SLC22A4: variants seen among roughly 807,000 people sequenced by gnomAD.
The protein encoded by SLC22A4 is solute carrier family 22 member 4.
A neutral mutation model predicts 56.6 loss-of-function variants in SLC22A4; 39 were observed. The ratio of observed to expected loss-of-function variants is 0.69; its 90% CI spans 0.53 to 0.90. SLC22A4 has a LOEUF of 0.90. Ranked by LOEUF, SLC22A4 falls within the 40% of genes least tolerant of loss-of-function variation. The pLI, the probability that SLC22A4 is intolerant of heterozygous loss-of-function variation, is 0.00. For synonymous variants in SLC22A4, 241 were observed against 281.4 expected, an observed-to-expected ratio of 0.86 and a Z score of 1.44; for missense variants, 594 against 696.5, an observed-to-expected ratio of 0.85 and a Z score of 1.66.
At chr5:132,298,083 C>A (rs991809444) in intron 1 of SLC22A4, among the ~76,000 whole-genome samples, 1 of 151,792 alleles carries the variant, frequency 6.6e-6, no homozygotes, top group African/African-American at 2.4e-5. Context: ...TGTGGTGGTC[C>A]CTAAAAAAAT....
intron 6 of SLC22A4, among the ~76,000 whole-genome samples, 192 bp from the exon 7 acceptor site, chr5:132,334,526 A>T (rs1049711758): frequency 3.3e-5 from 5 of 152,338 alleles, no homozygotes; most frequent in Admixed American, 3.3e-4. Context: ...GCTATTGAGC[A>T]CTTGAAGTGT....
chr5:132,319,782 A>G (rs1750477954), intron 3 of SLC22A4, among the ~76,000 whole-genome samples: 1 of 152,120 alleles, frequency 6.6e-6, no homozygotes, highest in Non-Finnish European at 1.5e-5. Context: ...TAGTAGAGAC[A>G]GGTTTCATCA....
intron 5 of SLC22A4, among the ~76,000 whole-genome samples, chr5:132,330,991 T>C (rs866637534): frequency 2.0e-5 from 3 of 152,144 alleles, no homozygotes; most frequent in African/African-American, 7.2e-5. Flanking sequence ...AGAGGATCGT[T>C]ACTTGCCCAA....
intron 4 of SLC22A4, among the ~76,000 whole-genome samples, chr5:132,326,298 A>C (rs895975531): frequency 1.3e-5 from 2 of 152,218 alleles, no homozygotes; most frequent in African/African-American, 4.8e-5. Context: ...TTAGCCTACA[A>C]TTGGGCAAAA....
At chr5:132,298,130 T>A (rs1259626179) in intron 1 of SLC22A4, among the ~76,000 whole-genome samples, 1 of 152,206 alleles carries the variant, frequency 6.6e-6, no homozygotes, top group Non-Finnish European at 1.5e-5. Flanking sequence ...GCAATACTAA[T>A]TCTGGATATA....
intron 9 of SLC22A4, among the ~76,000 whole-genome samples, chr5:132,342,609 C>A (rs1484280029): frequency 1.3e-5 from 2 of 152,184 alleles, no homozygotes; most frequent in Non-Finnish European, 2.9e-5. Context: ...CCCAGGTTAC[C>A]CACATTTCTC....
At chr5:132,324,277 G>A (rs1335301321) in intron 4 of SLC22A4, among the ~76,000 whole-genome samples, 1 of 151,946 alleles carries the variant, frequency 6.6e-6, no homozygotes, top group African/African-American at 2.4e-5. Context: ...AGCCTCTGAT[G>A]GGCTGTACAG....
At chr5:132,305,098 G>A (rs1484795837) in intron 1 of SLC22A4, among the ~76,000 whole-genome samples, 1 of 152,072 alleles carries the variant, frequency 6.6e-6, no homozygotes, top group Admixed American at 6.5e-5. Flanking sequence ...CAAAACAACT[G>A]AATAGAACTT....
intron 6 of SLC22A4, among the ~76,000 whole-genome samples, chr5:132,333,009 C>T (rs1405992193): frequency 6.6e-6 from 1 of 152,168 alleles, no homozygotes; most frequent in Non-Finnish European, 1.5e-5. Flanking sequence ...ATCTAAACTA[C>T]TCCTATTACT....
At chr5:132,327,214 A>C in intron 4 of SLC22A4, 63 bp from the exon 5 acceptor site, 1 of 1,285,000 alleles carries the variant, frequency 7.8e-7, no homozygotes, top group Non-Finnish European at 1.1e-6. Context: ...GGGGAAACTC[A>C]GATTTAATAG....
chr5:132,339,741 C>G (rs571456161), intron 8 of SLC22A4, among the ~76,000 whole-genome samples: 1 of 152,158 alleles, frequency 6.6e-6, no homozygotes, highest in Non-Finnish European at 1.5e-5. Flanking sequence ...GTCCAAGAGT[C>G]TCCTACTCCA....
At chr5:132,299,149 A>G (rs1331004870) in intron 1 of SLC22A4, among the ~76,000 whole-genome samples, 1 of 152,206 alleles carries the variant, frequency 6.6e-6, no homozygotes, top group Non-Finnish European at 1.5e-5. Flanking sequence ...AGTCTGCCTG[A>G]ACTGCCCCCC....
At position 132,327,306 on chromosome 5, in the gene SLC22A4, T is replaced by C. The variant is rs769645496; in HGVS notation, c.854T>C (p.Ile285Thr). Residue 285 changes from isoleucine to threonine, a missense_variant, in exon 5 of 10, where the codon ATA (isoleucine) becomes ACA (threonine). Coordinates refer to ENST00000200652, the MANE Select transcript of SLC22A4 (RefSeq NM_003059.3). ...ATTCCTGAATCTCCCCGATGGCTGA[T>C]ATCCCAGAGAAGATTTAGAGAGGCT... Reference protein sequence around the residue: ...WFIPESPRWLISQRRFREAED... With the variant: ...WFIPESPRWLTSQRRFREAED... 1.1e-5 allele frequency: 18 copies of C among 1,606,834 alleles called. No individual in the cohort carries two copies. Among genetic ancestry groups the C allele is most frequent in the Non-Finnish European group, 1.4e-5 (17 of 1,173,948 alleles).
In SLC22A4 at chr5:132,331,819, G is replaced by A. The variant is rs533127429; in HGVS notation, c.1015G>A (p.Ala339Thr). 2.8e-5 allele frequency: 45 copies of A among 1,613,226 alleles called. 1 individual carries two copies. In the South Asian group the frequency reaches 4.9e-4, roughly 18 times the overall value. Residue 339 changes from alanine (A) to threonine (T), a missense_variant, in exon 6 of 10, where the codon GCC becomes ACC. By Grantham distance (58) the Ala-to-Thr change is moderately conservative (BLOSUM62 0). Coordinates refer to ENST00000200652, the MANE Select transcript of SLC22A4 (RefSeq NM_003059.3). ...GGACCTGTTCAGGACTCGGAATATT[G>A]CCATAATGACCATTATGTCTTTGCT... ...ILDLFRTRNIAIMTIMSLLLW... is the reference protein window; with the variant it reads ...ILDLFRTRNITIMTIMSLLLW...
intron 1 of SLC22A4, among the ~76,000 whole-genome samples, chr5:132,309,467 G>GC (rs1208364851): frequency 6.6e-6 from 1 of 152,206 alleles, no homozygotes; most frequent in African/African-American, 2.4e-5. Context: ...GGCTTCTTGG[G>GC]CCCCTCTTCA....
rs1173183721 is a variant in SLC22A4, at chr5:132,322,317, G to A, written c.786G>A (p.Ala262=). 9 of 1,613,742 alleles carry A rather than the reference G, an allele frequency of 5.6e-6. No homozygotes were observed. The highest frequency in any genetic ancestry group is 2.2e-5 in the South Asian group (2 of 91,070). ...FIRDWRMLLL[A]LTVPGVLCVP... is the part of the protein sequence containing the mutation. ...GAGACTGGCGGATGCTGCTGCTGGC[G>A]CTGACGGTGCCGGGAGTGCTGTGTG... Residue 262 remains alanine (A), a synonymous_variant, in exon 4 of 10, where the codon GCG becomes GCA. Coordinates refer to ENST00000200652, the MANE Select transcript of SLC22A4 (RefSeq NM_003059.3).
chr5:132,331,835 T>A lies in SLC22A4; in HGVS notation c.1031T>A (p.Met344Lys), dbSNP rs567645504. The A allele has an allele frequency of 3.9e-4, 624 of 1,607,518 alleles. 9 individuals carry two copies. In the South Asian group the frequency reaches 6.6e-3, roughly 17 times the overall value. ...RTRNIAIMTI[M>K]SLLLWMLTSV... ...CGGAATATTGCCATAATGACCATTA[T>A]GTCTTTGCTGCTATGGTAAGTAATA... The change falls in exon 6 of 10, where the codon ATG becomes AAG. Residue 344 changes from methionine (M) to lysine (K), a missense_variant. Transcript: ENST00000200652.
At chr5:132,295,406 G>A in intron 1 of SLC22A4, 2 of 431,052 alleles carry the variant, frequency 4.6e-6, no homozygotes, top group Middle Eastern at 3.9e-4. Context: ...TGGGCAGGGC[G>A]GGGCCAAATC....
chr5:132,302,923 A>G (rs1490760384), intron 1 of SLC22A4, among the ~76,000 whole-genome samples: 1 of 152,254 alleles, frequency 6.6e-6, no homozygotes, highest in Non-Finnish European at 1.5e-5. Context: ...TAATATAAAG[A>G]AAGAAAGATA....
Sources: gnomAD v4.1 joint callset for allele counts (sites outside exome capture counted in the v4.1 genomes callset) on GRCh38, gnomAD v4.1.1 for gene constraint, MANE v1.5 for transcripts, NCBI Gene and HGNC (gene_info 2026-07-23, HGNC 2026-07-21) for gene names.